Variants in TNIK observed in about 807,000 individuals in gnomAD.
TNIK encodes the protein TRAF2 and NCK interacting kinase, also known as TRAF2 and NCK-interacting protein kinase.
In TNIK, 49 loss-of-function variants were observed where a neutral mutation model predicts 191.3. The observed-to-expected ratio is 0.26, with a 90% CI of 0.20 to 0.32. The LOEUF (loss-of-function observed/expected upper bound fraction) is 0.32. Among genes scored for constraint, TNIK ranks in the 10% least tolerant of loss-of-function variants. The pLI is 1.00. For missense variants in TNIK, 1,155 were observed against 1,702.3 expected (o/e 0.68, Z 5.66); for synonymous variants, 594 against 600.9 (o/e 0.99, Z 0.17).
At chr3:171,380,946 A>G (rs1205659260) in intron 1 of TNIK, among the ~76,000 whole-genome samples, 1 of 152,242 alleles carries the variant, frequency 6.6e-6, no homozygotes, top group African/African-American at 2.4e-5. Context: ...TGGCAGAGGT[A>G]CAAACCAATC....
At chr3:171,119,393 G>A (rs1187589892) in intron 18 of TNIK, among the ~76,000 whole-genome samples, 1 of 152,170 alleles carries the variant, frequency 6.6e-6, no homozygotes, top group African/African-American at 2.4e-5. Context: ...CGATTCCTCA[G>A]GGATCTAGAA....
At chr3:171,416,726 G>A (rs1039380580) in intron 1 of TNIK, among the ~76,000 whole-genome samples, 1 of 152,092 alleles carries the variant, frequency 6.6e-6, no homozygotes, top group Non-Finnish European at 1.5e-5. Context: ...CCTCCACAGG[G>A]CATCTTTAAT....
At chr3:171,091,542 A>T (rs1477644788) in intron 23 of TNIK, among the ~76,000 whole-genome samples, 1 of 152,068 alleles carries the variant, frequency 6.6e-6, no homozygotes, top group Non-Finnish European at 1.5e-5. Flanking sequence ...CAGGAGTTTG[A>T]GACCAGCCTG....
intron 6 of TNIK, among the ~76,000 whole-genome samples, chr3:171,189,626 T>C (rs1737792841): frequency 6.6e-6 from 1 of 152,208 alleles, no homozygotes. Context: ...TCAACCTCTC[T>C]GAGCTTCGGT....
At chr3:171,272,735 T>TCTCATTTCACTGAGTTGTTC (rs1324290328) in intron 2 of TNIK, among the ~76,000 whole-genome samples, 2 of 152,232 alleles carry the variant, frequency 1.3e-5, no homozygotes, top group Non-Finnish European at 2.9e-5. Context: ...TTATCGTTTT[T>TCTCATTTCACTGAGTTGTTC]CTCATTTCAC....
rs114382294 is a variant in TNIK, at chr3:171,110,517, A to G, written c.2284+197T>C. ...TCTGAGATTAGAAAGGATTTTGTCC[A>G]TACTGATGGCACACACACAATTAGG... On this transcript the variant is annotated intron_variant, in intron 19 of 32. Coordinates refer to ENST00000436636, the MANE Select transcript of TNIK (RefSeq NM_015028.4). Among the ~76,000 whole-genome samples the G allele has an allele frequency of 3.3e-3, 508 of 152,324 alleles. 2 individuals are homozygous for G. The highest frequency in any genetic ancestry group is 0.011 in the African/African-American group (478 of 41,568).
At chr3:171,108,744 T>C (rs951536207) in intron 19 of TNIK, among the ~76,000 whole-genome samples, 1 of 152,160 alleles carries the variant, frequency 6.6e-6, no homozygotes, top group African/African-American at 2.4e-5. Flanking sequence ...GAACGGTTTT[T>C]AATTGGAGAT....
rs535780841 is a variant in TNIK at position 171,278,711 on chromosome 3, G to T, written c.124-50490C>A. On this transcript the variant is annotated intron_variant, in intron 2 of 32. Coordinates refer to ENST00000436636, the MANE Select transcript of TNIK (RefSeq NM_015028.4). ...CAAGGGGTGACTTTGCCTAAATTAT[G>T]TATTAAGAATTAATATCAAACAATC... 5.3e-5 allele frequency among the ~76,000 whole-genome samples: 8 copies of T among 152,096 alleles called. No homozygotes were observed. The South Asian group carries it at 1.7e-3, about 32-fold the overall frequency.
At chr3:171,363,224 C>G (rs537825302) in intron 2 of TNIK, among the ~76,000 whole-genome samples, 48 of 152,268 alleles carry the variant, frequency 3.2e-4, no homozygotes, top group African/African-American at 1.1e-3. Context: ...AGTGCTGAGG[C>G]TGAGAAACCC....
intron 4 of TNIK, among the ~76,000 whole-genome samples, chr3:171,197,840 C>T (rs981834205): frequency 1.3e-5 from 2 of 152,114 alleles, no homozygotes; most frequent in African/African-American, 2.4e-5. Flanking sequence ...ATAGTTACTG[C>T]GGTGAACAGT....
intron 2 of TNIK, among the ~76,000 whole-genome samples, chr3:171,316,611 G>A (rs1225401124): frequency 2.6e-5 from 4 of 152,066 alleles, no homozygotes. Context: ...GATGAAAAGG[G>A]GAAGAAAGGC....
At chr3:171,256,011 TAGAA>T (rs1746814697) in intron 2 of TNIK, among the ~76,000 whole-genome samples, 1 of 152,046 alleles carries the variant, frequency 6.6e-6, no homozygotes, top group Non-Finnish European at 1.5e-5. Context: ...TATAGAATTA[TAGAA>T]TAAAGTATTC....
At chr3:171,117,445 G>A (rs1291503964) in intron 18 of TNIK, among the ~76,000 whole-genome samples, 1 of 151,676 alleles carries the variant, frequency 6.6e-6, no homozygotes, top group East Asian at 1.9e-4. Context: ...GTAAAATGGT[G>A]GTGATTACAG....
At chr3:171,400,803 A>G (rs1355962594) in intron 1 of TNIK, among the ~76,000 whole-genome samples, 3 of 152,194 alleles carry the variant, frequency 2.0e-5, no homozygotes, top group African/African-American at 7.2e-5. Flanking sequence ...CCTAAGCACC[A>G]TATGCCCCCA....
At chr3:171,233,715 A>G (rs1383061324) in intron 2 of TNIK, among the ~76,000 whole-genome samples, 1 of 152,168 alleles carries the variant, frequency 6.6e-6, no homozygotes, top group Non-Finnish European at 1.5e-5. Context: ...TTGGATATGT[A>G]TTTCCCTTGT....
intron 3 of TNIK, among the ~76,000 whole-genome samples, chr3:171,224,072 TC>T (rs1386886181): frequency 4.6e-5 from 7 of 152,066 alleles, no homozygotes; most frequent in Non-Finnish European, 1.0e-4. Flanking sequence ...CCACTGATAT[TC>T]AGACTGGCAC....
chr3:171,129,135 C>T (rs973133085), intron 15 of TNIK, among the ~76,000 whole-genome samples: 3 of 152,240 alleles, frequency 2.0e-5, no homozygotes, highest in Admixed American at 6.5e-5. Context: ...GCAGGGAATT[C>T]GTGACCTGCT....
intron 2 of TNIK, among the ~76,000 whole-genome samples, chr3:171,265,850 A>ATT (rs11420962): frequency 7.9e-5 from 12 of 151,702 alleles, no homozygotes; most frequent in South Asian, 4.2e-4. Context: ...AATAAGCATT[A>ATT]TTTTTTTTTC....
At chr3:171,399,042 C>T (rs1426702993) in intron 1 of TNIK, among the ~76,000 whole-genome samples, 10 of 152,198 alleles carry the variant, frequency 6.6e-5, no homozygotes, top group Admixed American at 5.9e-4. Context: ...TGAGAGCTTA[C>T]TTACTTTTCT....
Sources: allele counts gnomAD v4.1 joint callset (sites outside exome capture counted in the v4.1 genomes callset), GRCh38; gene constraint gnomAD v4.1.1; transcripts MANE v1.5; gene names NCBI Gene and HGNC (gene_info 2026-07-23, HGNC 2026-07-21).